The following ZFC3H1 variants were observed in gnomAD, a reference collection of about 807,000 sequenced individuals.
ZFC3H1 encodes the protein zinc finger C3H1-type containing.
ZFC3H1 carries 71 observed loss-of-function variants against 243.7 expected under a neutral mutation model. That is an observed-to-expected ratio of 0.29 (90% confidence interval 0.24 to 0.36). The LOEUF (loss-of-function observed/expected upper bound fraction) is 0.36. Ranked by LOEUF, ZFC3H1 falls within the 10% of genes least tolerant of loss-of-function variation. The pLI is 1.00. For synonymous variants in ZFC3H1, 838 were observed against 813.0 expected (o/e 1.03, Z -0.52); for missense variants, 1,966 against 2,317.1 (o/e 0.85, Z 3.11).
Position 71,631,924 on chromosome 12 carries a change from G to A in ZFC3H1, c.3361-37C>T. On this transcript the variant is annotated intron_variant, in intron 15 of 34. Transcript: ENST00000378743. The stretch of plus-strand genomic sequence containing the variant: ...AATAATAATTCTGTAAGGCAAATAA[G>A]GCTGGGTGAATTCCAGATTTTAAAG... 1.9e-6 allele frequency: 3 copies of A among 1,605,116 alleles called. No individual in the cohort carries two copies. The East Asian group carries it at 6.7e-5, about 36-fold the overall frequency.
chr12:71,630,507 G>GT lies in ZFC3H1; in HGVS notation c.3724+92dup, dbSNP rs1387689608. 9.7e-6 allele frequency: 14 copies of GT among 1,444,300 alleles called. No individual in the cohort carries two copies. The East Asian group carries it at 1.4e-4, about 14-fold the overall frequency. The allele number at this position is 1,444,300 out of a possible 1,614,324, so 89.5% of individuals were successfully genotyped here. On this transcript the variant is annotated intron_variant, in intron 18 of 34. Transcript: ENST00000378743. The stretch of plus-strand genomic sequence containing the variant: ...TTATGGGTAAATACACTGAATTATA[G>GT]TAAGTATTTTACAATGTCAACAACT...
chr12:71,637,648 T>C (rs1880497186), intron 7 of ZFC3H1, among the ~76,000 whole-genome samples: 1 of 152,230 alleles, frequency 6.6e-6, no homozygotes, highest in Non-Finnish European at 1.5e-5. Flanking sequence ...TCCCTTGGCA[T>C]TTAGTTCATT....
At chr12:71,630,778 C>T (rs1218336774) in intron 17 of ZFC3H1, 45 bp downstream of exon 17, 1 of 1,607,448 alleles carries the variant, frequency 6.2e-7, no homozygotes. Flanking sequence ...GTTAAGCAAA[C>T]AAGACCATTT....
intron 1 of ZFC3H1, among the ~76,000 whole-genome samples, chr12:71,662,804 G>C (rs1881219506): frequency 6.6e-6 from 1 of 152,060 alleles, no homozygotes; most frequent in South Asian, 2.1e-4. Flanking sequence ...CCAATCCACA[G>C]CACGTTAATA....
chr12:71,663,795 C>G lies in ZFC3H1; in HGVS notation c.-185G>C, dbSNP rs1881262788. The G allele has an allele frequency of 1.5e-6, 1 of 666,690 alleles. No individual in the cohort carries two copies. The highest frequency in any genetic ancestry group is 2.5e-6 in the Non-Finnish European group (1 of 398,176). The allele number at this position is 666,690 out of a possible 1,614,324, so 41.3% of individuals were successfully genotyped here. A position where few individuals can be genotyped will look rare whatever the true frequency, so the allele number is the denominator to read the frequency against. On this transcript the variant is annotated 5_prime_UTR_variant, in exon 1 of 35. Coordinates refer to ENST00000378743, the MANE Select transcript of ZFC3H1 (RefSeq NM_144982.5). ...CCCCAGCTCTCTCTCGCCGGACCGT[C>G]GCAACCCAGTTCCCTTTCCTAGCGC... is the stretch of plus-strand genomic sequence containing the variant.
In ZFC3H1 at chr12:71,644,937, C is replaced by A. The variant is rs1024700808; in HGVS notation, c.1219G>T (p.Val407Leu). 1 of 1,612,700 alleles carries A rather than the reference C, an allele frequency of 6.2e-7. No homozygotes were observed. Among genetic ancestry groups the A allele is most frequent in the African/African-American group, 1.3e-5 (1 of 74,884 alleles). ...GTACTTGTTTTAACTTTTTGCTGTA[C>A]AGTTTTCGTCTTAGTCAACTTTTCT... Reference protein sequence around the residue: ...SKEKLTKTKTVQQKVKTSTKT... With the variant: ...SKEKLTKTKTLQQKVKTSTKT... The change falls in exon 4 of 35, where the codon GTA becomes TTA. Residue 407 changes from valine (V) to leucine (L), a missense_variant. This residue lies in a region of ZFC3H1 where 91 missense variants were observed against 107.6 expected (regional missense o/e 0.85). Transcript: ENST00000378743.
Position 71,610,482 on chromosome 12 carries a change from G to T in ZFC3H1, c.5916C>A (p.Ser1972Arg). Residue 1972 changes from serine to arginine, a missense_variant, in exon 35 of 35, where the codon AGC becomes AGA. Ser to Arg is a moderately radical substitution (Grantham distance 110, BLOSUM62 -1). Coordinates refer to ENST00000378743, the MANE Select transcript of ZFC3H1 (RefSeq NM_144982.5). ...TGTTTAAATTTAAGAGCTCATTTAG[G>T]CTGACTCCAATCTCTTGGCACTTGG... ...LVSKCQEIGV[S>R]LNELLNLNSN... The T allele has an allele frequency of 6.2e-7, 1 of 1,613,584 alleles. No homozygotes were observed. The highest frequency in any genetic ancestry group is 8.5e-7 in the Non-Finnish European group (1 of 1,179,630).
chr12:71,616,574 T>C (rs1007095764), intron 27 of ZFC3H1, among the ~76,000 whole-genome samples: 7 of 152,210 alleles, frequency 4.6e-5, no homozygotes, highest in Admixed American at 1.3e-4. Flanking sequence ...TCTACTTGAC[T>C]AAGTCCATCT....
chr12:71,656,494 A>C (rs1462442666), intron 2 of ZFC3H1: 1 of 655,088 alleles, frequency 1.5e-6, no homozygotes, highest in African/African-American at 1.8e-5. Context: ...GTAAACTTCA[A>C]CATCCATTCA....
chr12:71,614,970 A>G lies in ZFC3H1; in HGVS notation c.5256-32T>C. 3 of 1,515,994 alleles carry G rather than the reference A, an allele frequency of 2.0e-6. No homozygotes were observed. The African/African-American group carries it at 4.1e-5, about 21-fold the overall frequency. The allele number at this position is 1,515,994 out of a possible 1,614,324, so 93.9% of individuals were successfully genotyped here. On this transcript the variant is annotated intron_variant, in intron 28 of 34. Coordinates refer to ENST00000378743, the MANE Select transcript of ZFC3H1 (RefSeq NM_144982.5). Reference sequence around the variant, plus strand: ...AAAAAATGAAGGAAAACATATGTCTATCATTCATTTCCATCAGGTGAAGGA... The same window carrying G: ...AAAAAATGAAGGAAAACATATGTCTGTCATTCATTTCCATCAGGTGAAGGA...
rs761967774 is a variant in ZFC3H1, at chr12:71,642,512, A to G, written c.1551T>C (p.Asp517=). Reference sequence around the variant, plus strand: ...CATACTGATAAATGCCTCCTCCACTATCAGTAGGTTGCTTATCTAAGGATC... The same window carrying G: ...CATACTGATAAATGCCTCCTCCACTGTCAGTAGGTTGCTTATCTAAGGATC... ...LRRSLDKQPT[D]SGGGIYQYDN... is the part of the protein sequence containing the mutation. Residue 517 remains aspartate, a synonymous_variant, in exon 6 of 35, where the codon GAT becomes GAC. Transcript: ENST00000378743. 3 of 1,613,436 alleles carry G rather than the reference A, an allele frequency of 1.9e-6. No individual in the cohort carries two copies. Among genetic ancestry groups the G allele is most frequent in the African/African-American group, 2.7e-5 (2 of 74,928 alleles).
In ZFC3H1 at chr12:71,635,565, A is replaced by T. The variant is rs1880437988; in HGVS notation, c.2116T>A (p.Ser706Thr). 7.1e-6 allele frequency: 11 copies of T among 1,546,120 alleles called. No individual in the cohort carries two copies. The highest frequency in any genetic ancestry group is 6.4e-5 in the South Asian group (5 of 78,380). ...GAATCATTTAGTGTTACAACCACTGATTTATGCTTTGGAAGCTGCAAAGAC... is the reference window on the plus strand; with the variant it reads ...GAATCATTTAGTGTTACAACCACTGTTTTATGCTTTGGAAGCTGCAAAGAC... ...RTVISLPKHK[S>T]VVVTLNDSDD... The change falls in exon 10 of 35, where the codon TCA (serine) becomes ACA (threonine). Residue 706 changes from serine to threonine, a missense_variant. This residue lies in a region of ZFC3H1 where 1,383 missense variants were observed against 1,723.7 expected (regional missense o/e 0.80). Coordinates refer to ENST00000378743, the MANE Select transcript of ZFC3H1 (RefSeq NM_144982.5).
chr12:71,662,823 G>A (rs1881220072), intron 1 of ZFC3H1, among the ~76,000 whole-genome samples, 190 bp downstream of exon 1: 1 of 152,128 alleles, frequency 6.6e-6, no homozygotes, highest in South Asian at 2.1e-4. Context: ...TATACCCAAT[G>A]AAGCAGTCTT....
Position 71,644,269 on chromosome 12 carries a change from T to C in ZFC3H1, c.1329A>G (p.Gln443=), listed in dbSNP as rs761881795. 5 of 1,613,422 alleles carry C rather than the reference T, an allele frequency of 3.1e-6. No homozygotes were observed. Among genetic ancestry groups the C allele is most frequent in the South Asian group, 2.2e-5 (2 of 91,010 alleles). The stretch of plus-strand genomic sequence containing the variant: ...TCTGTCTTTCCTGCTCTTTTTGTTG[T>C]TGTAGTTTCTTCCATGCCTTTGTTT... ...KQQTKAWKKL[Q]QQKEQERQKE... is the part of the protein sequence containing the mutation. The change falls in exon 5 of 35, where the codon CAA becomes CAG. Residue 443 remains glutamine (Q), a synonymous_variant. Coordinates refer to ENST00000378743, the MANE Select transcript of ZFC3H1 (RefSeq NM_144982.5).
intron 10 of ZFC3H1, among the ~76,000 whole-genome samples, 178 bp from the exon 11 acceptor site, chr12:71,635,003 T>C (rs2137538105): frequency 6.6e-6 from 1 of 152,324 alleles, no homozygotes; most frequent in Admixed American, 6.5e-5. Flanking sequence ...CTAAATTGTA[T>C]ACGCCACCAA....
chr12:71,639,134 T>G (rs986960565), intron 6 of ZFC3H1, among the ~76,000 whole-genome samples: 1 of 149,532 alleles, frequency 6.7e-6, no homozygotes, highest in Non-Finnish European at 1.5e-5. Flanking sequence ...TAAAAATAAT[T>G]GTGTATTTTA....
intron 1 of ZFC3H1, among the ~76,000 whole-genome samples, chr12:71,662,577 G>A (rs1339129062): frequency 6.8e-6 from 1 of 147,360 alleles, no homozygotes; most frequent in African/African-American, 2.5e-5. Context: ...GGACTGTGCA[G>A]ATTAAAACTT....
rs1317002036 is a variant in ZFC3H1 at position 71,663,519 on chromosome 12, T to A, written c.92A>T (p.Asp31Val). Residue 31 changes from aspartate to valine, a missense_variant, in exon 1 of 35, where the codon GAT becomes GTT. Physicochemically the swap from Asp to Val is radical, Grantham distance 152 (BLOSUM62 -3). This residue lies in a region of ZFC3H1 where 484 missense variants were observed against 449.7 expected (regional missense o/e 1.08). Coordinates refer to ENST00000378743, the MANE Select transcript of ZFC3H1 (RefSeq NM_144982.5). Reference sequence around the variant, plus strand: ...CCGACTCCGTATCTGGCTGTTATTATCGTCGTCACTGATTTCCCCATCTTC... The same window carrying A: ...CCGACTCCGTATCTGGCTGTTATTAACGTCGTCACTGATTTCCCCATCTTC... ...ELEDGEISDD[D>V]NNSQIRSRSS... 6.2e-7 allele frequency: 1 copy of A among 1,613,628 alleles called. No individual in the cohort carries two copies.
chr12:71,649,035 G>A lies in ZFC3H1; in HGVS notation c.1016-1222C>T, dbSNP rs1171926308. On this transcript the variant is annotated intron_variant, in intron 2 of 34. Transcript: ENST00000378743. ...GGACCCGGGAGGTGGAGGTTGCAGT[G>A]AGCTGAGATTGTACCACTGTACTCC... Among the ~76,000 whole-genome samples the A allele has an allele frequency of 2.0e-5, 3 of 147,624 alleles. No individual in the cohort carries two copies. The East Asian group carries it at 6.0e-4, about 30-fold the overall frequency.
Sources: allele counts gnomAD v4.1 joint callset (sites outside exome capture counted in the v4.1 genomes callset), GRCh38; gene constraint gnomAD v4.1.1; regional missense constraint gnomAD v4.1.1; transcripts MANE v1.5; gene names NCBI Gene and HGNC (gene_info 2026-07-23, HGNC 2026-07-21).